Variants in DNAJC11 observed in about 807,000 individuals in gnomAD.
The protein encoded by DNAJC11 is DnaJ heat shock protein family (Hsp40) member C11.
A neutral mutation model predicts 78.6 loss-of-function variants in DNAJC11; 15 were observed. That is an observed-to-expected ratio of 0.19 (90% CI 0.13 to 0.29). DNAJC11 has a LOEUF of 0.29. Among genes scored for constraint, DNAJC11 ranks in the 10% least tolerant of loss-of-function variants. The probability of loss-of-function intolerance (pLI) is 1.00; values close to 1 mark genes in which losing one functional copy is unlikely to be tolerated. For synonymous variants in DNAJC11, 292 were observed against 272.1 expected, an observed-to-expected ratio of 1.07 and a Z score of -0.72; for missense variants, 547 against 709.6, an observed-to-expected ratio of 0.77 and a Z score of 2.60.
chr1:6,698,350 C>T (rs958092474), intron 1 of DNAJC11, among the ~76,000 whole-genome samples: 1 of 152,184 alleles, frequency 6.6e-6, no homozygotes. Flanking sequence ...TAAGATTACT[C>T]TGACTTTTTT....
At chr1:6,646,273 G>A (rs1641964345) in intron 7 of DNAJC11, among the ~76,000 whole-genome samples, 1 of 152,158 alleles carries the variant, frequency 6.6e-6, no homozygotes, top group African/African-American at 2.4e-5. Flanking sequence ...CCCCACTCAA[G>A]TTAGAATGGA....
At chr1:6,671,564 C>T (rs1029582523) in intron 3 of DNAJC11, among the ~76,000 whole-genome samples, 20 of 142,928 alleles carry the variant, frequency 1.4e-4, no homozygotes, top group Middle Eastern at 4.0e-3. Context: ...TGGAGTCTCA[C>T]TCTGTCATCC....
intron 4 of DNAJC11, chr1:6,654,267 C>A: frequency 2.4e-6 from 1 of 417,848 alleles, no homozygotes. Context: ...ATCATTTGAC[C>A]AGGAGAGCCG....
chr1:6,640,898 G>A (rs1195111846), intron 10 of DNAJC11, among the ~76,000 whole-genome samples: 1 of 152,080 alleles, frequency 6.6e-6, no homozygotes, highest in Admixed American at 6.5e-5. Context: ...TGAGGAAAAG[G>A]AAATTTACAG....
At chr1:6,644,786 A>G in intron 9 of DNAJC11, 112 bp from the exon 10 acceptor site, 1 of 937,442 alleles carries the variant, frequency 1.1e-6, no homozygotes. Flanking sequence ...AGCCTCCTCG[A>G]CCCCCAGGGA....
intron 6 of DNAJC11, 59 bp from the exon 7 acceptor site, chr1:6,651,661 AG>A (rs1379478961): frequency 7.5e-7 from 1 of 1,340,128 alleles, no homozygotes; most frequent in East Asian, 2.3e-5. Flanking sequence ...GCAGCAACCC[AG>A]GCTCAGGTAT....
At chr1:6,686,966 G>A (rs1642665737) in intron 1 of DNAJC11, among the ~76,000 whole-genome samples, 1 of 152,202 alleles carries the variant, frequency 6.6e-6, no homozygotes, top group East Asian at 1.9e-4. Flanking sequence ...AAGTTTGCCT[G>A]ATTACCACAA....
Position 6,634,962 on chromosome 1 carries a change from C to A in DNAJC11, c.*713G>T, listed in dbSNP as rs1291720851. 4 of 970,236 alleles carry A rather than the reference C, an allele frequency of 4.1e-6. No homozygotes were observed. The highest frequency in any genetic ancestry group is 4.0e-6 in the Non-Finnish European group (3 of 751,268). The allele number at this position is 970,236 out of a possible 1,614,324, so 60.1% of individuals were successfully genotyped here. ...CAGCTCAAGCCCGCTGGTGGCAGGG[C>A]GTTTTCCCACCGGGATACGGGAAGC... On this transcript the variant is annotated 3_prime_UTR_variant, in exon 16 of 16. Coordinates refer to ENST00000377577, the MANE Select transcript of DNAJC11 (RefSeq NM_018198.4).
chr1:6,662,446 A>C (rs1642231003), intron 4 of DNAJC11, among the ~76,000 whole-genome samples: 1 of 152,160 alleles, frequency 6.6e-6, no homozygotes, highest in African/African-American at 2.4e-5. Context: ...CACCCACCTC[A>C]GCCTCCCAAA....
Position 6,645,933 on chromosome 1 carries a change from G to T in DNAJC11, c.750C>A (p.Ile250=). 3 of 1,614,200 alleles carry T rather than the reference G, an allele frequency of 1.9e-6. No individual in the cohort carries two copies. The highest frequency in any genetic ancestry group is 2.5e-6 in the Non-Finnish European group (3 of 1,180,030). Reference sequence around the variant, plus strand: ...CTAGGACAGTGGTCAGGCCGGGTCGGATTCCACGGGATGAAAACTGCAGAG... The same window carrying T: ...CTAGGACAGTGGTCAGGCCGGGTCGTATTCCACGGGATGAAAACTGCAGAG... ...NCALQFSSRG[I]RPGLTTVLAR... is the part of the protein sequence containing the mutation. The change falls in exon 8 of 16, where the codon ATC becomes ATA. Residue 250 remains isoleucine (I), a synonymous_variant. Coordinates refer to ENST00000377577, the MANE Select transcript of DNAJC11 (RefSeq NM_018198.4). The surrounding 1 kb of genome is among the most constrained non-coding windows in gnomAD (Gnocchi z 4.1).
chr1:6,636,168 G>A lies in DNAJC11; in HGVS notation c.1603C>T (p.Leu535=). 1 of 1,614,188 alleles carries A rather than the reference G, an allele frequency of 6.2e-7. No individual in the cohort carries two copies. The highest frequency in any genetic ancestry group is 8.5e-7 in the Non-Finnish European group (1 of 1,180,046). The change falls in exon 15 of 16, where the codon CTG becomes TTG. Residue 535 remains leucine, a synonymous_variant. Coordinates refer to ENST00000377577, the MANE Select transcript of DNAJC11 (RefSeq NM_018198.4). Reference sequence around the variant, plus strand: ...CTGTCCAGCACCATCACCTGATGCAGGACGCCCCGGAACTGATAGAGCACT... The same window carrying A: ...CTGTCCAGCACCATCACCTGATGCAAGACGCCCCGGAACTGATAGAGCACT... ...LKVLYQFRGV[L]HQVMVLDSEA... is the part of the protein sequence containing the mutation.
chr1:6,653,756 G>C lies in DNAJC11; in HGVS notation c.507+155C>G. 4 of 1,014,784 alleles carry C rather than the reference G, an allele frequency of 3.9e-6. No individual in the cohort carries two copies. The highest frequency in any genetic ancestry group is 5.6e-6 in the Non-Finnish European group (4 of 709,346). The allele number at this position is 1,014,784 out of a possible 1,614,324, so 62.9% of individuals were successfully genotyped here. A position where few individuals can be genotyped will look rare whatever the true frequency, so the allele number is the denominator to read the frequency against. On this transcript the variant is annotated intron_variant, in intron 5 of 15. Coordinates refer to ENST00000377577, the MANE Select transcript of DNAJC11 (RefSeq NM_018198.4). The surrounding 1 kb of genome is among the most constrained non-coding windows in gnomAD (Gnocchi z 4.5). Reference sequence around the variant, plus strand: ...CAGCACAGCGGTAACACACGGCTGGGAATGAAGCGCTTTCTTTTTTAAGTG... The same window carrying C: ...CAGCACAGCGGTAACACACGGCTGGCAATGAAGCGCTTTCTTTTTTAAGTG...
At chr1:6,642,284 A>G (rs1168998756) in intron 10 of DNAJC11, among the ~76,000 whole-genome samples, 1 of 152,182 alleles carries the variant, frequency 6.6e-6, no homozygotes. Context: ...ACTGCCTTCA[A>G]TTTTAAAAAG....
chr1:6,652,761 T>TG, intron 6 of DNAJC11, 68 bp downstream of exon 6: 1 of 1,601,236 alleles, frequency 6.2e-7, no homozygotes. Flanking sequence ...GGGTGAGCTT[T>TG]GAGAGTGTAA....
intron 7 of DNAJC11, chr1:6,651,240 C>T (rs1048220468): frequency 1.6e-6 from 1 of 626,342 alleles, no homozygotes; most frequent in African/African-American, 1.8e-5. Context: ...CCAACTCTCC[C>T]TGAAGGCACT....
chr1:6,653,242 G>A lies in DNAJC11; in HGVS notation c.508-291C>T, dbSNP rs963484700. Among the ~76,000 whole-genome samples the A allele has an allele frequency of 1.3e-5, 2 of 152,208 alleles. No homozygotes were observed. Among genetic ancestry groups the A allele is most frequent in the Non-Finnish European group, 2.9e-5 (2 of 68,046 alleles). ...TCCCAATGGTATCAGATAGCACAGT[G>A]ACTTCACTGTGTGCCTTCCCTCTGT... On this transcript the variant is annotated intron_variant, in intron 5 of 15. Transcript: ENST00000377577. The surrounding 1 kb of genome is among the most constrained non-coding windows in gnomAD (Gnocchi z 4.5).
chr1:6,684,397 T>C (rs570003939), intron 1 of DNAJC11, among the ~76,000 whole-genome samples: 2 of 152,372 alleles, frequency 1.3e-5, no homozygotes, highest in South Asian at 4.1e-4. Flanking sequence ...TCATTTTCTT[T>C]CTGCAAATTT....
chr1:6,654,312 A>G (rs1245051647), intron 4 of DNAJC11: 1 of 308,576 alleles, frequency 3.2e-6, no homozygotes, highest in African/African-American at 2.2e-5. Context: ...CACGCCAAAG[A>G]CAAAAGTGTT....
At chr1:6,638,183 A>G (rs919455389) in intron 12 of DNAJC11, 112 bp downstream of exon 12, 29 of 1,039,586 alleles carry the variant, frequency 2.8e-5, no homozygotes, top group Non-Finnish European at 4.1e-5. Context: ...CTAAGTGGAG[A>G]GCCAAGTTGT....
Sources: allele counts gnomAD v4.1 joint callset (sites outside exome capture counted in the v4.1 genomes callset), GRCh38; gene constraint gnomAD v4.1.1; non-coding constraint Gnocchi (gnomAD v3.1); transcripts MANE v1.5; gene names NCBI Gene and HGNC (gene_info 2026-07-23, HGNC 2026-07-21).